The following EP400 variants were observed in gnomAD, a reference collection of about 807,000 sequenced individuals.
EP400 encodes E1A-binding protein p400.
Under a neutral mutation model 354.1 loss-of-function variants are expected in EP400, and 105 were observed. The observed-to-expected ratio is 0.30, with a 90% CI of 0.25 to 0.35. The LOEUF (loss-of-function observed/expected upper bound fraction) is 0.35, where lower values mean the gene tolerates loss of function less well. EP400 is among the 10% of genes least tolerant of loss of function. The pLI is 1.00. For synonymous variants in EP400, 1,646 were observed against 1,716.9 expected (o/e 0.96, Z 1.02); for missense variants, 3,280 against 4,121.0 (o/e 0.80, Z 5.59).
intron 45 of EP400, among the ~76,000 whole-genome samples, chr12:132,056,805 A>G (rs561664956): frequency 6.6e-6 from 1 of 152,368 alleles, no homozygotes; most frequent in Non-Finnish European, 1.5e-5. Context: ...CGAAAAGCAT[A>G]GACTGGGAGA....
At chr12:132,015,656 T>C (rs1231377536) in intron 19 of EP400, among the ~76,000 whole-genome samples, 1 of 152,224 alleles carries the variant, frequency 6.6e-6, no homozygotes, top group African/African-American at 2.4e-5. Flanking sequence ...CTGCTGGTCT[T>C]AGGCCAGCTT....
At chr12:132,068,786 G>T (rs1350671353) in intron 50 of EP400, 2 of 152,460 alleles carry the variant, frequency 1.3e-5, no homozygotes, top group Non-Finnish European at 2.9e-5. Context: ...GAAGGAGACA[G>T]TGCTGGGACT....
chr12:131,999,587 A>C lies in EP400; in HGVS notation c.2827+4631A>C, dbSNP rs181595259. The stretch of plus-strand genomic sequence containing the variant: ...CTGAGTAGCTGGGATTATAGGCACC[A>C]GCCACCATGCCTGGCTATTTTTTAT... On this transcript the variant is annotated intron_variant, in intron 12 of 52. Transcript: ENST00000389561. Among the ~76,000 whole-genome samples the C allele has an allele frequency of 7.1e-3, 1,079 of 152,080 alleles. 35 individuals are homozygous for C. In the South Asian group the frequency reaches 0.093, roughly 13 times the overall value.
chr12:131,960,543 A>T, intron 1 of EP400, 42 bp from the exon 2 acceptor site: 2 of 1,486,842 alleles, frequency 1.3e-6, no homozygotes, highest in Middle Eastern at 1.8e-4. Flanking sequence ...TAAAACAGTT[A>T]TGTGTGCCTT....
Position 132,053,371 on chromosome 12 carries a change from A to C in EP400, c.7502A>C (p.Gln2501Pro). Residue 2501 changes from glutamine (Q) to proline (P), a missense_variant, in exon 43 of 53, where the codon CAG (glutamine) becomes CCG (proline). Physicochemically the swap from Gln to Pro is moderately conservative, Grantham distance 76 (BLOSUM62 -1). This residue lies in a region of EP400 where 255 missense variants were observed against 295.9 expected (regional missense o/e 0.86). Transcript: ENST00000389561. The part of the protein sequence containing the change: ...KALADQQKAQ[Q>P]PAVAQPPPPQ... ...CTGGCTGATCAGCAGAAGGCACAGC[A>C]GCCGGCCGTGGCCCAGCCACCCCCG... 1 of 1,572,738 alleles carries C rather than the reference A, an allele frequency of 6.4e-7. No individual in the cohort carries two copies. The highest frequency in any genetic ancestry group is 1.2e-5 in the South Asian group (1 of 86,050).
chr12:131,983,743 G>A (rs766664667), intron 5 of EP400, among the ~76,000 whole-genome samples: 5 of 152,146 alleles, frequency 3.3e-5, no homozygotes, highest in African/African-American at 1.2e-4. Context: ...GCAGTGACAC[G>A]ATCTCTGCTC....
intron 50 of EP400, chr12:132,068,690 C>T (rs756718790): frequency 1.9e-4 from 29 of 152,468 alleles, no homozygotes; most frequent in Non-Finnish European, 3.5e-4. Context: ...CAAAGACCAG[C>T]CTGCATCCCC....
At chr12:132,034,584 G>A (rs1894630725) in intron 30 of EP400, among the ~76,000 whole-genome samples, 1 of 152,192 alleles carries the variant, frequency 6.6e-6, no homozygotes, top group Non-Finnish European at 1.5e-5. Context: ...TATGAGCCAT[G>A]GGAACCCCCA....
intron 32 of EP400, among the ~76,000 whole-genome samples, chr12:132,042,705 C>T (rs371965328): frequency 1.9e-4 from 29 of 152,380 alleles, no homozygotes; most frequent in African/African-American, 6.3e-4. Context: ...TTGCCCACAT[C>T]TGCTAGTAAC....
At chr12:132,019,269 T>G (rs1169145056) in intron 21 of EP400, among the ~76,000 whole-genome samples, 1 of 152,194 alleles carries the variant, frequency 6.6e-6, no homozygotes, top group East Asian at 1.9e-4. Context: ...CTTGAACTCT[T>G]GGGCTCAAGG....
Position 132,027,539 on chromosome 12 carries a change from C to T in EP400, c.5109+8C>T. The T allele has an allele frequency of 1.2e-6, 2 of 1,605,680 alleles. No individual in the cohort carries two copies. The highest frequency in any genetic ancestry group is 8.5e-7 in the Non-Finnish European group (1 of 1,175,222). On this transcript the variant is annotated splice_region_variant and intron_variant, in intron 26 of 52. Coordinates refer to ENST00000389561, the MANE Select transcript of EP400 (RefSeq NM_015409.5). This position sits in a 1 kb window ranked among gnomAD's most constrained non-coding sequence, Gnocchi z 4.9. ...ATTGGAGGGCCGACCCAGGTAAGCACCTGAGCTTGAGACCCCGGTGCACGT... is the reference window on the plus strand; with the variant it reads ...ATTGGAGGGCCGACCCAGGTAAGCATCTGAGCTTGAGACCCCGGTGCACGT...
In EP400 at chr12:131,986,755, C is replaced by T. The variant is rs1892868185; in HGVS notation, c.2171C>T (p.Ala724Val). ...PTKPQSPAQN[A>V]TSSQDSSQDT... ...AAACCACAGAGTCCTGCTCAGAATG[C>T]CACCTCGTCCCAAGACAGTTCTCAG... The change falls in exon 6 of 53, where the codon GCC becomes GTC. Residue 724 changes from alanine to valine, a missense_variant. By Grantham distance (64) the Ala-to-Val change is moderately conservative. Around this residue, in one of 20 missense-constraint regions of EP400, gnomAD observed 800 missense variants for 840.0 expected, o/e 0.95. Transcript: ENST00000389561. 3 of 1,614,162 alleles carry T rather than the reference C, an allele frequency of 1.9e-6. No individual in the cohort carries two copies. The highest frequency in any genetic ancestry group is 2.7e-5 in the African/African-American group (2 of 75,038).
chr12:132,010,509 A>G (rs1182593010), intron 15 of EP400, among the ~76,000 whole-genome samples: 1 of 152,220 alleles, frequency 6.6e-6, no homozygotes, highest in Non-Finnish European at 1.5e-5. Context: ...TGCTTTGCAT[A>G]TTAGCAGTAA....
At chr12:131,967,396 T>A (rs1446685260) in intron 2 of EP400, among the ~76,000 whole-genome samples, 1 of 137,022 alleles carries the variant, frequency 7.3e-6, no homozygotes, top group African/African-American at 2.8e-5. Flanking sequence ...AATAAATAAA[T>A]AAATAAAAAG....
intron 45 of EP400, among the ~76,000 whole-genome samples, chr12:132,058,440 C>G (rs182300501): frequency 0.011 from 1,594 of 151,624 alleles, 17 homozygotes; most frequent in South Asian, 0.029. Flanking sequence ...CTGCAACCTC[C>G]GCCTCCTGGG....
chr12:131,961,422 TC>T lies in EP400; in HGVS notation c.804del (p.Ser269AlafsTer45). 6.8e-7 allele frequency: 1 copy of T among 1,460,860 alleles called. No homozygotes were observed. Among genetic ancestry groups the T allele is most frequent in the Non-Finnish European group, 9.4e-7 (1 of 1,069,334 alleles). The allele number at this position is 1,460,860 out of a possible 1,614,324, so 90.5% of individuals were successfully genotyped here. A position where few individuals can be genotyped will look rare whatever the true frequency, so the allele number is the denominator to read the frequency against. On this transcript the variant is annotated frameshift_variant, in exon 2 of 53. Coordinates refer to ENST00000389561, the MANE Select transcript of EP400 (RefSeq NM_015409.5). LOFTEE classifies it high-confidence loss of function. ...HITTANLPPQ[I>X]SSIIQGQLVQ... is the part of the protein sequence containing the mutation. ...ACCACGGCTAACTTGCCACCGCAGA[TC>T]AGCAGCATCATCCAGGGCCAGCTGG...
rs1212836275 is a variant in EP400, at chr12:132,067,705, G to A, written c.8874+219G>A. Among the ~76,000 whole-genome samples, 2 of 152,142 alleles carry A rather than the reference G, an allele frequency of 1.3e-5. No homozygotes were observed. The highest frequency in any genetic ancestry group is 2.9e-5 in the Non-Finnish European group (2 of 68,018). On this transcript the variant is annotated intron_variant, in intron 50 of 52. Transcript: ENST00000389561. This position sits in a 1 kb window ranked among gnomAD's most constrained non-coding sequence, Gnocchi z 5.3. ...ATGTGACAAGTGAGGCTGAGGTCTTGGCAGGGGGATGGAGGGGGTATAGTC... is the reference window on the plus strand; with the variant it reads ...ATGTGACAAGTGAGGCTGAGGTCTTAGCAGGGGGATGGAGGGGGTATAGTC...
At chr12:131,993,977 C>G (rs562758932) in intron 11 of EP400, among the ~76,000 whole-genome samples, 45 of 152,286 alleles carry the variant, frequency 3.0e-4, no homozygotes, top group Admixed American at 2.4e-3. Flanking sequence ...GTCGTCTTTA[C>G]TTTTCTTTTC....
At position 132,077,929 on chromosome 12, in the gene EP400, C is replaced by G. The variant is rs749747064; in HGVS notation, c.*256C>G. 14 of 517,832 alleles carry G rather than the reference C, an allele frequency of 2.7e-5. No homozygotes were observed. The highest frequency in any genetic ancestry group is 1.7e-5 in the Non-Finnish European group (5 of 293,778). The allele number at this position is 517,832 out of a possible 1,614,324, so 32.1% of individuals were successfully genotyped here. A position where few individuals can be genotyped will look rare whatever the true frequency, so the allele number is the denominator to read the frequency against. ...CATGGCTTCCTCTAAATCATTTCACCTTTCAGTCCCCACCCGCACCCGTCC... is the reference window on the plus strand; with the variant it reads ...CATGGCTTCCTCTAAATCATTTCACGTTTCAGTCCCCACCCGCACCCGTCC... On this transcript the variant is annotated 3_prime_UTR_variant, in exon 53 of 53. Coordinates refer to ENST00000389561, the MANE Select transcript of EP400 (RefSeq NM_015409.5).
Sources: allele counts gnomAD v4.1 joint callset (sites outside exome capture counted in the v4.1 genomes callset), GRCh38; gene constraint gnomAD v4.1.1; regional missense constraint gnomAD v4.1.1; non-coding constraint Gnocchi (gnomAD v3.1); transcripts MANE v1.5; gene names NCBI Gene and HGNC (gene_info 2026-07-23, HGNC 2026-07-21).